Variants in SUGCT observed in about 807,000 individuals in gnomAD.
SUGCT encodes the protein succinyl-CoA:glutarate-CoA transferase, also known as succinyl-CoA:glutarate CoA-transferase.
SUGCT carries 41 observed loss-of-function variants against 55.0 expected under a neutral mutation model. The ratio of observed to expected loss-of-function variants is 0.74; its 90% CI spans 0.58 to 0.97. The LOEUF (loss-of-function observed/expected upper bound fraction) is 0.97. Ranked by LOEUF, SUGCT falls within the 50% of genes least tolerant of loss-of-function variation. SUGCT has a pLI of 0.00. For synonymous variants in SUGCT, 187 were observed against 200.4 expected (o/e 0.93, Z 0.56); for missense variants, 568 against 547.8 (o/e 1.04, Z -0.37).
intron 12 of SUGCT, among the ~76,000 whole-genome samples, chr7:40,568,671 A>G (rs181618974): frequency 3.3e-5 from 5 of 152,318 alleles, no homozygotes; most frequent in African/African-American, 9.6e-5. Context: ...TAATGATGCT[A>G]TGGCTCTTGG....
At chr7:40,600,169 C>CT (rs972617998) in intron 12 of SUGCT, among the ~76,000 whole-genome samples, 1 of 152,142 alleles carries the variant, frequency 6.6e-6, no homozygotes, top group Non-Finnish European at 1.5e-5. Context: ...TTTCATTATT[C>CT]TTTTTCAGGA....
intron 6 of SUGCT, among the ~76,000 whole-genome samples, chr7:40,216,817 T>C (rs956528474): frequency 5.9e-5 from 9 of 151,386 alleles, no homozygotes; most frequent in Non-Finnish European, 1.3e-4. Flanking sequence ...GAGTGCGCCA[T>C]TGCACTCCAG....
At chr7:40,718,426 A>T (rs891265312) in intron 12 of SUGCT, among the ~76,000 whole-genome samples, 1 of 152,208 alleles carries the variant, frequency 6.6e-6, no homozygotes, top group African/African-American at 2.4e-5. Context: ...AGTAACGAGG[A>T]AAATATCTTA....
Position 40,436,494 on chromosome 7 carries a change from A to G in SUGCT, c.817-12793A>G, listed in dbSNP as rs561526996. 6.6e-5 allele frequency among the ~76,000 whole-genome samples: 10 copies of G among 152,282 alleles called. No homozygotes were observed. The South Asian group carries it at 2.1e-3, about 32-fold the overall frequency. Reference sequence around the variant, plus strand: ...ATATAAGCCAATTTAGAATATTTTTATTGTAACTATAGTTACTATTTTTTT... The same window carrying G: ...ATATAAGCCAATTTAGAATATTTTTGTTGTAACTATAGTTACTATTTTTTT... On this transcript the variant is annotated intron_variant, in intron 9 of 13. Coordinates refer to ENST00000335693, the MANE Select transcript of SUGCT (RefSeq NM_001193313.2).
At chr7:40,218,066 T>C (rs1357665099) in intron 6 of SUGCT, among the ~76,000 whole-genome samples, 1 of 151,996 alleles carries the variant, frequency 6.6e-6, no homozygotes, top group Non-Finnish European at 1.5e-5. Flanking sequence ...ATACAAAAAT[T>C]ATCTGGGCAT....
At chr7:40,641,178 A>G (rs553043715) in intron 12 of SUGCT, among the ~76,000 whole-genome samples, 2 of 152,190 alleles carry the variant, frequency 1.3e-5, no homozygotes, top group Non-Finnish European at 1.5e-5. Context: ...TTCATTTCCT[A>G]TATACACACC....
At chr7:40,169,530 G>A (rs1784573240) in intron 1 of SUGCT, among the ~76,000 whole-genome samples, 1 of 152,184 alleles carries the variant, frequency 6.6e-6, no homozygotes, top group Non-Finnish European at 1.5e-5. Context: ...ACTCAGGACT[G>A]TCCCCTAGGG....
At chr7:40,838,858 G>A (rs1793129649) in intron 13 of SUGCT, among the ~76,000 whole-genome samples, 1 of 151,524 alleles carries the variant, frequency 6.6e-6, no homozygotes, top group Admixed American at 6.6e-5. Flanking sequence ...TTATCATTAA[G>A]TATGAAGGTA....
At chr7:40,359,771 G>A (rs1798059699) in intron 9 of SUGCT, among the ~76,000 whole-genome samples, 1 of 152,116 alleles carries the variant, frequency 6.6e-6, no homozygotes, top group South Asian at 2.1e-4. Flanking sequence ...GATTAAATGA[G>A]ACAACATGTG....
intron 6 of SUGCT, among the ~76,000 whole-genome samples, chr7:40,229,057 T>C (rs1202640149): frequency 6.6e-6 from 1 of 152,186 alleles, no homozygotes; most frequent in Non-Finnish European, 1.5e-5. Flanking sequence ...GAACATTTTG[T>C]ACCTTTCCTG....
chr7:40,296,394 G>A (rs1562655825), intron 8 of SUGCT, among the ~76,000 whole-genome samples: 1 of 152,174 alleles, frequency 6.6e-6, no homozygotes, highest in African/African-American at 2.4e-5. Flanking sequence ...CTCTTTGGTG[G>A]TCAAAATGTT....
At position 40,651,789 on chromosome 7, in the gene SUGCT, C is replaced by T. The variant is rs113773776; in HGVS notation, c.1090-97645C>T. Among the ~76,000 whole-genome samples the T allele has an allele frequency of 1.6e-3, 244 of 152,042 alleles. 1 individual carries two copies. Among genetic ancestry groups the T allele is most frequent in the African/African-American group, 5.7e-3 (236 of 41,498 alleles). Reference sequence around the variant, plus strand: ...CCTGCTTAGTTCTTTTCTTTGTATTCTAAGGAAACTTCTGTGCTTACCACC... The same window carrying T: ...CCTGCTTAGTTCTTTTCTTTGTATTTTAAGGAAACTTCTGTGCTTACCACC... On this transcript the variant is annotated intron_variant, in intron 12 of 13. Coordinates refer to ENST00000335693, the MANE Select transcript of SUGCT (RefSeq NM_001193313.2).
intron 1 of SUGCT, among the ~76,000 whole-genome samples, chr7:40,154,315 G>GAATGTAATGT (rs3046488): frequency 1.3e-3 from 190 of 151,484 alleles, no homozygotes; most frequent in Non-Finnish European, 1.9e-3. Flanking sequence ...CAAAAGATGT[G>GAATGTAATGT]AATGTAATGT....
chr7:40,196,827 C>T (rs1356776472), intron 6 of SUGCT, among the ~76,000 whole-genome samples: 1 of 151,980 alleles, frequency 6.6e-6, no homozygotes, highest in African/African-American at 2.4e-5. Context: ...ATAGGGGTTC[C>T]ACAGCCAACA....
At chr7:40,367,330 T>C (rs1784044623) in intron 9 of SUGCT, among the ~76,000 whole-genome samples, 2 of 151,206 alleles carry the variant, frequency 1.3e-5, no homozygotes, top group Non-Finnish European at 2.9e-5. Context: ...GACGAGTTAA[T>C]GGGTGCAGGA....
At chr7:40,947,035 T>A in the SUGCT span, among the ~76,000 whole-genome samples, 1 of 152,180 alleles carries the variant, frequency 6.6e-6, no homozygotes, top group Non-Finnish European at 1.5e-5. Flanking sequence ...ATGCATTTTA[T>A]CTTCTAATAT....
chr7:40,340,277 T>G (rs2151174487), intron 9 of SUGCT, among the ~76,000 whole-genome samples: 1 of 152,274 alleles, frequency 6.6e-6, no homozygotes, highest in Admixed American at 6.5e-5. Context: ...GGCCTAGGAC[T>G]GTGCAGGGAT....
intron 12 of SUGCT, among the ~76,000 whole-genome samples, chr7:40,613,140 A>AC (rs1287604224): frequency 6.6e-6 from 1 of 152,120 alleles, no homozygotes; most frequent in African/African-American, 2.4e-5. Context: ...CTAAAAAAAA[A>AC]ATCCTTGGAG....
chr7:40,148,455 AC>A (rs2150597855), intron 1 of SUGCT, among the ~76,000 whole-genome samples: 1 of 152,018 alleles, frequency 6.6e-6, no homozygotes, highest in South Asian at 2.1e-4. Context: ...GACCAGCCTG[AC>A]CAACATGGAG....
Sources: gnomAD v4.1 joint callset for allele counts (sites outside exome capture counted in the v4.1 genomes callset) on GRCh38, gnomAD v4.1.1 for gene constraint, MANE v1.5 for transcripts, NCBI Gene and HGNC (gene_info 2026-07-23, HGNC 2026-07-21) for gene names.